ARL13B: variants seen among roughly 807,000 people sequenced by gnomAD.
ARL13B encodes the protein ADP-ribosylation factor-like protein 13B.
In ARL13B, 36 loss-of-function variants were observed where a neutral mutation model predicts 56.1. The ratio of observed to expected loss-of-function variants is 0.64; its 90% confidence interval spans 0.49 to 0.85. The LOEUF (loss-of-function observed/expected upper bound fraction) is 0.85, where lower values mean the gene tolerates loss of function less well. Among genes scored for constraint, ARL13B ranks in the 40% least tolerant of loss-of-function variants. The pLI is 0.00. For synonymous variants in ARL13B, 178 were observed against 171.1 expected (o/e 1.04, Z -0.32); for missense variants, 519 against 507.1 (o/e 1.02, Z -0.23).
chr3:94,034,005 G>T (rs1208165726), intron 3 of ARL13B, among the ~76,000 whole-genome samples: 1 of 152,082 alleles, frequency 6.6e-6, no homozygotes, highest in African/African-American at 2.4e-5. Context: ...GATTCAAAAA[G>T]AGTTAAGTGA....
Position 94,029,141 on chromosome 3 carries a change from A to G in ARL13B, c.381-6190A>G, listed in dbSNP as rs1408999672. On this transcript the variant is annotated intron_variant, in intron 3 of 9. Coordinates refer to ENST00000394222, the MANE Select transcript of ARL13B (RefSeq NM_001174150.2). ...ATATGTTAAATCATTTATTTTGTCA[A>G]TATAACAACTCAAAATTAATTTATA... is the stretch of plus-strand genomic sequence containing the variant. Among the ~76,000 whole-genome samples the G allele has an allele frequency of 2.6e-5, 4 of 151,026 alleles. No homozygotes were observed. The South Asian group carries it at 8.3e-4, about 31-fold the overall frequency.
chr3:94,054,777 A>G lies in ARL13B; in HGVS notation c.*1514A>G. ...TACATGGGACTTAGCAACCACACTG[A>G]GTGAGGTAAAAGCATTTGATTTCAG... On this transcript the variant is annotated 3_prime_UTR_variant, in exon 10 of 10. Coordinates refer to ENST00000394222, the MANE Select transcript of ARL13B (RefSeq NM_001174150.2). 1 of 413,960 alleles carries G rather than the reference A, an allele frequency of 2.4e-6. No individual in the cohort carries two copies. Among genetic ancestry groups the G allele is most frequent in the Non-Finnish European group, 4.8e-6 (1 of 206,898 alleles). The allele number at this position is 413,960 out of a possible 1,614,324, so 25.6% of individuals were successfully genotyped here. A position where few individuals can be genotyped will look rare whatever the true frequency, so the allele number is the denominator to read the frequency against.
chr3:94,042,893 A>C (rs2076886324), intron 6 of ARL13B, 122 bp from the exon 7 acceptor site: 2 of 733,810 alleles, frequency 2.7e-6, no homozygotes, highest in East Asian at 5.5e-5. Context: ...CATTTTTAAA[A>C]TAGAAGTCTC....
rs749663739 is a variant in ARL13B, at chr3:93,995,928, A to G, written c.114A>G (p.Ala38=). The G allele has an allele frequency of 6.2e-7, 1 of 1,613,390 alleles. No individual in the cohort carries two copies. The highest frequency in any genetic ancestry group is 1.1e-5 in the South Asian group (1 of 90,990). ...ATAATGCTGGTAAAACCGCAACAGC[A>G]AAGGGAATCCAAGGAGGTAAGCTGA... ...GLDNAGKTAT[A]KGIQGEYPED... is the part of the protein sequence containing the mutation. The change falls in exon 2 of 10, where the codon GCA becomes GCG. Residue 38 remains alanine, a synonymous_variant. Transcript: ENST00000394222.
At chr3:93,984,068 A>G (rs773607347) in intron 1 of ARL13B, among the ~76,000 whole-genome samples, 3 of 152,364 alleles carry the variant, frequency 2.0e-5, no homozygotes, top group East Asian at 1.9e-4. Flanking sequence ...TAAGAAAGTC[A>G]TAAGGGGCGG....
intron 2 of ARL13B, among the ~76,000 whole-genome samples, chr3:93,999,617 T>C (rs2076021620): frequency 6.6e-6 from 1 of 152,206 alleles, no homozygotes. Context: ...AAATTATTAT[T>C]GACTATAGTC....
chr3:93,988,958 GA>G (rs1710608567), intron 1 of ARL13B: 1 of 301,436 alleles, frequency 3.3e-6, no homozygotes, highest in African/African-American at 2.3e-5. Context: ...TTGGCGGCAG[GA>G]GGGGCACTTG....
At chr3:94,015,289 A>G (rs1441942606) in intron 3 of ARL13B, 7 of 1,505,124 alleles carry the variant, frequency 4.7e-6, no homozygotes, top group Non-Finnish European at 5.3e-6. Flanking sequence ...CCTCCTAAGA[A>G]GCAAAAATTT....
At chr3:94,000,893 A>G (rs1204009725) in intron 2 of ARL13B, among the ~76,000 whole-genome samples, 1 of 152,156 alleles carries the variant, frequency 6.6e-6, no homozygotes, top group African/African-American at 2.4e-5. Flanking sequence ...TTTATCATCT[A>G]TAATGGGCCC....
At chr3:94,040,043 G>T in intron 6 of ARL13B, 55 bp downstream of exon 6, 1 of 1,499,186 alleles carries the variant, frequency 6.7e-7, no homozygotes, top group Non-Finnish European at 9.2e-7. Context: ...TTGGAACTTG[G>T]AAAAGAAGGT....
Position 93,995,876 on chromosome 3 carries a change from A to T in ARL13B, c.62A>T (p.Lys21Met). 6.2e-7 allele frequency: 1 copy of T among 1,610,564 alleles called. No homozygotes were observed. The highest frequency in any genetic ancestry group is 8.5e-7 in the Non-Finnish European group (1 of 1,177,764). Residue 21 changes from lysine to methionine, a missense_variant and splice_region_variant, in exon 2 of 10, where the codon AAG (lysine) becomes ATG (methionine). Transcript: ENST00000394222. ...TTTTAAATTTCTATTATTTTAAGAA[A>T]GGTGACTCTTTTGATGGTGGGACTT... ...WFKRWREPVR[K>M]VTLLMVGLDN...
chr3:94,042,955 C>G, intron 6 of ARL13B, 60 bp from the exon 7 acceptor site: 2 of 1,409,088 alleles, frequency 1.4e-6, no homozygotes, highest in Non-Finnish European at 1.9e-6. Flanking sequence ...TTTCCTCTCC[C>G]TTAAAACTAT....
chr3:94,029,037 T>G (rs994654785), intron 3 of ARL13B, among the ~76,000 whole-genome samples: 1 of 151,808 alleles, frequency 6.6e-6, no homozygotes, highest in Non-Finnish European at 1.5e-5. Context: ...ACGTTACTTT[T>G]AATTTTTTTT....
At chr3:94,045,950 C>CAAAAAAA (rs1199964643) in intron 7 of ARL13B, among the ~76,000 whole-genome samples, 2 of 44,388 alleles carry the variant, frequency 4.5e-5, no homozygotes, top group Admixed American at 2.3e-4. Context: ...GACTCCATCA[C>CAAAAAAA]AAAAAAAAAA....
intron 2 of ARL13B, chr3:93,996,451 A>C (rs2107387234): frequency 5.3e-6 from 1 of 187,850 alleles, no homozygotes; most frequent in African/African-American, 2.3e-5. Flanking sequence ...ATCTCATTGA[A>C]TATTGAATAT....
chr3:94,034,197 G>A (rs1299655566), intron 3 of ARL13B, among the ~76,000 whole-genome samples: 2 of 151,560 alleles, frequency 1.3e-5, no homozygotes, highest in East Asian at 3.9e-4. Flanking sequence ...CAAAATAGAA[G>A]GTATGTAGAT....
chr3:94,014,709 A>G (rs766701863), intron 3 of ARL13B: 1 of 1,612,854 alleles, frequency 6.2e-7, no homozygotes, highest in Non-Finnish European at 8.5e-7. Context: ...ATTTTCCTTG[A>G]TGAAGCATAT....
At chr3:94,048,762 T>G (rs995181416) in intron 7 of ARL13B, among the ~76,000 whole-genome samples, 3 of 142,548 alleles carry the variant, frequency 2.1e-5, no homozygotes, top group African/African-American at 5.7e-5. Context: ...CATGCTGGGG[T>G]TTTTTTTTTC....
intron 3 of ARL13B, among the ~76,000 whole-genome samples, chr3:94,029,373 G>T (rs2076633484): frequency 8.5e-6 from 1 of 117,898 alleles, no homozygotes; most frequent in Admixed American, 1.0e-4. Context: ...TTGAGAAGGA[G>T]TCTTGCTCTT....
Sources: gnomAD v4.1 joint callset for allele counts (sites outside exome capture counted in the v4.1 genomes callset) on GRCh38, gnomAD v4.1.1 for gene constraint, MANE v1.5 for transcripts, NCBI Gene and HGNC (gene_info 2026-07-23, HGNC 2026-07-21) for gene names.